TBC1D19: variants seen among roughly 807,000 people sequenced by gnomAD.
TBC1D19 encodes the protein TBC1 domain family member 19.
Under a neutral mutation model 89.0 loss-of-function variants are expected in TBC1D19, and 60 were observed. The ratio of observed to expected loss-of-function variants is 0.67; its 90% CI spans 0.55 to 0.84. The LOEUF is 0.84. Among genes scored for constraint, TBC1D19 ranks in the 40% least tolerant of loss-of-function variants. The pLI, the probability that TBC1D19 is intolerant of heterozygous loss-of-function variation, is 0.00. For missense variants in TBC1D19, 500 were observed against 610.8 expected, an observed-to-expected ratio of 0.82 and a Z score of 1.91; for synonymous variants, 189 against 199.7, an observed-to-expected ratio of 0.95 and a Z score of 0.45.
At chr4:26,851,712 A>G in the TBC1D19 span, among the ~76,000 whole-genome samples, 1 of 152,116 alleles carries the variant, frequency 6.6e-6, no homozygotes, top group Non-Finnish European at 1.5e-5. Context: ...GAGAAGTACG[A>G]GTTCTTTTTT....
At chr4:26,605,660 A>C (rs568264474) in intron 1 of TBC1D19, among the ~76,000 whole-genome samples, 68 of 151,170 alleles carry the variant, frequency 4.5e-4, no homozygotes, top group East Asian at 1.6e-3. Context: ...ACTAGTTTAC[A>C]GTCCCACCAA....
At chr4:26,817,872 A>G in the TBC1D19 span, among the ~76,000 whole-genome samples, 111 of 151,634 alleles carry the variant, frequency 7.3e-4, no homozygotes, top group Middle Eastern at 0.017. Flanking sequence ...AAAGGCTGAG[A>G]CAGGAGAATC....
chr4:26,766,827 C>G, the TBC1D19 span, among the ~76,000 whole-genome samples: 1 of 152,042 alleles, frequency 6.6e-6, no homozygotes, highest in Non-Finnish European at 1.5e-5. Flanking sequence ...TCTGGTTACT[C>G]TAAAGGTTAA....
chr4:26,850,387 A>G, the TBC1D19 span, among the ~76,000 whole-genome samples: 1 of 151,612 alleles, frequency 6.6e-6, no homozygotes, highest in African/African-American at 2.4e-5. Flanking sequence ...ATCTCCACAA[A>G]AAATAGAAAA....
the TBC1D19 span, among the ~76,000 whole-genome samples, chr4:26,764,216 T>C: frequency 3.3e-5 from 5 of 152,196 alleles, no homozygotes; most frequent in African/African-American, 1.2e-4. Flanking sequence ...CCTCCTCCCC[T>C]GGAGAAGAAT....
At chr4:26,670,262 G>A (rs565657288) in intron 9 of TBC1D19, among the ~76,000 whole-genome samples, 11 of 149,944 alleles carry the variant, frequency 7.3e-5, no homozygotes, top group South Asian at 6.3e-4. Context: ...TTTATGTTAC[G>A]GATCCCAGAC....
At chr4:26,622,291 G>A (rs979116037) in intron 4 of TBC1D19, among the ~76,000 whole-genome samples, 4 of 152,040 alleles carry the variant, frequency 2.6e-5, no homozygotes, top group African/African-American at 9.6e-5. Context: ...AACTAAGAAG[G>A]TTGGGCCTGA....
intron 1 of TBC1D19, among the ~76,000 whole-genome samples, chr4:26,605,774 T>C (rs1016285949): frequency 6.6e-6 from 1 of 152,234 alleles, no homozygotes; most frequent in Non-Finnish European, 1.5e-5. Flanking sequence ...TATCTCATTG[T>C]GGTTTTGATT....
At chr4:26,694,229 A>T (rs1350886132) in intron 13 of TBC1D19, among the ~76,000 whole-genome samples, 1 of 152,092 alleles carries the variant, frequency 6.6e-6, no homozygotes, top group African/African-American at 2.4e-5. Flanking sequence ...GGTCTTAGCA[A>T]ACGGCACACC....
At chr4:26,626,811 T>A (rs1262798918) in intron 4 of TBC1D19, among the ~76,000 whole-genome samples, 1 of 132,980 alleles carries the variant, frequency 7.5e-6, no homozygotes, top group Non-Finnish European at 1.7e-5. Context: ...AGGATAGAGC[T>A]CAAATTCTTT....
chr4:26,615,351 C>A (rs1342672187), intron 3 of TBC1D19, among the ~76,000 whole-genome samples: 5 of 152,126 alleles, frequency 3.3e-5, no homozygotes, highest in Admixed American at 6.6e-5. Flanking sequence ...TACCATGTGG[C>A]AGCACCGTAC....
chr4:26,817,090 TTACTC>T, the TBC1D19 span, among the ~76,000 whole-genome samples: 2 of 152,190 alleles, frequency 1.3e-5, no homozygotes, highest in Non-Finnish European at 1.5e-5. Flanking sequence ...CTTATGCTCT[TTACTC>T]TAAAGCTTGA....
At chr4:26,808,596 G>A in the TBC1D19 span, among the ~76,000 whole-genome samples, 1 of 151,922 alleles carries the variant, frequency 6.6e-6, no homozygotes, top group Admixed American at 6.6e-5. Flanking sequence ...AGGCGTGATG[G>A]CAGGCACCTG....
chr4:26,763,408 A>G, the TBC1D19 span, among the ~76,000 whole-genome samples: 1 of 152,210 alleles, frequency 6.6e-6, no homozygotes, highest in African/African-American at 2.4e-5. Context: ...TCTGCATGAT[A>G]AAACTTTGGT....
At chr4:26,654,545 C>G (rs1039470314) in intron 7 of TBC1D19, among the ~76,000 whole-genome samples, 4 of 152,096 alleles carry the variant, frequency 2.6e-5, no homozygotes, top group African/African-American at 9.7e-5. Context: ...TCACATAGTC[C>G]CATATTTCTT....
intron 4 of TBC1D19, among the ~76,000 whole-genome samples, chr4:26,633,901 G>A (rs956203181): frequency 6.6e-6 from 1 of 151,908 alleles, no homozygotes. Context: ...ACCATCCTTG[G>A]CTGGGATTAA....
chr4:26,609,623 T>C (rs1202071552), intron 1 of TBC1D19, among the ~76,000 whole-genome samples: 1 of 152,100 alleles, frequency 6.6e-6, no homozygotes, highest in African/African-American at 2.4e-5. Flanking sequence ...GTTAACTTGG[T>C]GGAGCAACAG....
chr4:26,682,254 A>G (rs1027103949), intron 11 of TBC1D19, among the ~76,000 whole-genome samples: 1 of 152,220 alleles, frequency 6.6e-6, no homozygotes, highest in Non-Finnish European at 1.5e-5. Flanking sequence ...GGTAGATACA[A>G]TGGAATATAA....
chr4:26,652,148 G>C (rs761553095), intron 7 of TBC1D19, among the ~76,000 whole-genome samples: 41 of 152,046 alleles, frequency 2.7e-4, no homozygotes, highest in Middle Eastern at 3.4e-3. Context: ...CATTGATGTT[G>C]ATCAGGGATA....
Sources: gnomAD v4.1 joint callset for allele counts (sites outside exome capture counted in the v4.1 genomes callset) on GRCh38, gnomAD v4.1.1 for gene constraint, MANE v1.5 for transcripts, NCBI Gene and HGNC (gene_info 2026-07-23, HGNC 2026-07-21) for gene names.